The following CNOT11 variants were observed in gnomAD, a reference collection of about 807,000 sequenced individuals.
The protein encoded by CNOT11 is UPF0760 protein C2orf29.
CNOT11 carries 18 observed loss-of-function variants against 44.6 expected under a neutral mutation model. The observed-to-expected ratio is 0.40, with a 90% CI of 0.28 to 0.60. The LOEUF (loss-of-function observed/expected upper bound fraction) is 0.60, where lower values mean the gene tolerates loss of function less well. CNOT11 is among the 20% of genes least tolerant of loss of function. CNOT11 has a pLI of 0.38. For synonymous variants in CNOT11, 291 were observed against 270.9 expected (o/e 1.07, Z -0.73); for missense variants, 513 against 677.0 (o/e 0.76, Z 2.69).
At position 101,253,435 on chromosome 2, in the gene CNOT11, G is replaced by T. The variant is rs1400508897; in HGVS notation, c.471G>T (p.Pro157=). The change falls in exon 1 of 7, where the codon CCG becomes CCT. Residue 157 remains proline (P), a synonymous_variant. Transcript: ENST00000289382. The surrounding 1 kb of genome is among the most constrained non-coding windows in gnomAD (Gnocchi z 4.3). The stretch of plus-strand genomic sequence containing the variant: ...TCGCGCACCTGCTCAACCCCGCGCC[G>T]CCCGCCCGCGGCGGCCAGGAACCCG... The part of the protein sequence containing the change: ...ASFAHLLNPA[P]PARGGQEPDR... The T allele has an allele frequency of 3.9e-6, 6 of 1,530,754 alleles. No individual in the cohort carries two copies. Among genetic ancestry groups the T allele is most frequent in the African/African-American group, 1.4e-5 (1 of 70,912 alleles). The allele number at this position is 1,530,754 out of a possible 1,614,324, so 94.8% of individuals were successfully genotyped here.
At chr2:101,266,227 G>A (rs1237189521) in intron 4 of CNOT11, among the ~76,000 whole-genome samples, 3 of 152,104 alleles carry the variant, frequency 2.0e-5, no homozygotes, top group African/African-American at 4.8e-5. Context: ...TTCCCACTCC[G>A]CCCCCTTCTC....
At position 101,269,647 on chromosome 2, in the gene CNOT11, G is replaced by C. The variant is rs1039612775; in HGVS notation, c.*234G>C. On this transcript the variant is annotated 3_prime_UTR_variant, in exon 7 of 7. Coordinates refer to ENST00000289382, the MANE Select transcript of CNOT11 (RefSeq NM_017546.5). The surrounding 1 kb of genome is among the most constrained non-coding windows in gnomAD (Gnocchi z 4.8). ...GCTGATGACTATCCATAGGAGGAAT[G>C]GCTATCCCAAAAAAAGTTCCGCAAA... 2 of 367,732 alleles carry C rather than the reference G, an allele frequency of 5.4e-6. No individual in the cohort carries two copies. The highest frequency in any genetic ancestry group is 2.1e-5 in the African/African-American group (1 of 47,846). 22.8% of individuals were successfully genotyped at this position (367,732 alleles called of 1,614,324 possible). A position where few individuals can be genotyped will look rare whatever the true frequency, so the allele number is the denominator to read the frequency against.
At chr2:101,255,700 G>A (rs1472630692) in intron 1 of CNOT11, among the ~76,000 whole-genome samples, 1 of 152,160 alleles carries the variant, frequency 6.6e-6, no homozygotes, top group Non-Finnish European at 1.5e-5. Context: ...AGGCAGGGCT[G>A]CGATTGTGTA....
chr2:101,266,620 T>G (rs1484348028), intron 4 of CNOT11, 57 bp from the exon 5 acceptor site: 7 of 1,348,226 alleles, frequency 5.2e-6, no homozygotes, highest in African/African-American at 2.9e-5. Context: ...GAAAAAAAAT[T>G]GACTCAACAC....
rs1485312043 is a variant in CNOT11, at chr2:101,266,683, G to T, written c.1042G>T (p.Gly348Cys). The T allele has an allele frequency of 2.5e-6, 4 of 1,613,078 alleles. No homozygotes were observed. The highest frequency in any genetic ancestry group is 2.5e-6 in the Non-Finnish European group (3 of 1,179,188). ...AAAAATCTGGTGTATTTAGCTACTT[G>T]GTGAGTTGGAAAAAGACCCCAAACT... is the stretch of plus-strand genomic sequence containing the variant. ...LSSPQQTQLL[G>C]ELEKDPKLVY... Residue 348 changes from glycine (G) to cysteine (C), a missense_variant, in exon 5 of 7, where the codon GGT (glycine) becomes TGT (cysteine). This residue lies in a region of CNOT11 where 140 missense variants were observed against 169.8 expected (regional missense o/e 0.82). Transcript: ENST00000289382.
chr2:101,267,591 C>CTTTCT (rs1682017899), intron 5 of CNOT11, among the ~76,000 whole-genome samples: 1 of 152,184 alleles, frequency 6.6e-6, no homozygotes, highest in Admixed American at 6.5e-5. Flanking sequence ...TTCTCCCAGC[C>CTTTCT]TTTCTGACCC....
intron 2 of CNOT11, among the ~76,000 whole-genome samples, chr2:101,259,774 A>C (rs745318509): frequency 6.6e-5 from 10 of 152,224 alleles, no homozygotes; most frequent in Admixed American, 1.3e-4. Context: ...ACAATGGCGC[A>C]TACCTATAAT....
chr2:101,261,910 G>C (rs1573200673), intron 2 of CNOT11, among the ~76,000 whole-genome samples: 1 of 146,326 alleles, frequency 6.8e-6, no homozygotes, highest in African/African-American at 2.5e-5. Flanking sequence ...GCAGTGGCGC[G>C]ATCTTGGCTC....
intron 2 of CNOT11, among the ~76,000 whole-genome samples, chr2:101,260,586 G>A (rs529455339): frequency 1.8e-4 from 27 of 152,224 alleles, no homozygotes; most frequent in African/African-American, 6.5e-4. Flanking sequence ...CTCTCTGGAG[G>A]TCTAAAATTC....
intron 2 of CNOT11, among the ~76,000 whole-genome samples, chr2:101,258,171 A>T (rs1573198119): frequency 6.6e-6 from 1 of 152,108 alleles, no homozygotes; most frequent in South Asian, 2.1e-4. Context: ...AGGTGGGCAG[A>T]TCATTTGAGG....
Position 101,253,360 on chromosome 2 carries a change from G to A in CNOT11, c.396G>A (p.Trp132Ter). ...AQRLTALYLL[W>*]EMYRTEPLAA... ...GCCTCACGGCGCTCTACCTGCTCTG[G>A]GAGATGTACCGCACCGAGCCGCTGG... Residue 132 changes from tryptophan (W) to a stop codon, truncating the protein, a stop_gained, in exon 1 of 7, where the codon TGG becomes TGA. Transcript: ENST00000289382. LOFTEE classifies it high-confidence loss of function. The surrounding 1 kb of genome is among the most constrained non-coding windows in gnomAD (Gnocchi z 4.3). 1 of 1,600,790 alleles carries A rather than the reference G, an allele frequency of 6.2e-7. No homozygotes were observed. The highest frequency in any genetic ancestry group is 8.5e-7 in the Non-Finnish European group (1 of 1,178,914).
At position 101,253,567 on chromosome 2, in the gene CNOT11, A is replaced by G. The variant is rs967922652; in HGVS notation, c.514+89A>G. 9.6e-6 allele frequency: 11 copies of G among 1,145,594 alleles called. No individual in the cohort carries two copies. The African/African-American group carries it at 1.6e-4, about 17-fold the overall frequency. 71.0% of individuals were successfully genotyped at this position (1,145,594 alleles called of 1,614,324 possible). On this transcript the variant is annotated intron_variant, in intron 1 of 6. Transcript: ENST00000289382. This position sits in a 1 kb window ranked among gnomAD's most constrained non-coding sequence, Gnocchi z 4.3. ...TGCTGGGAACTCACCTGAAAGGGAAATTAACTATCCCTGTGAAATGATCAT... is the reference window on the plus strand; with the variant it reads ...TGCTGGGAACTCACCTGAAAGGGAAGTTAACTATCCCTGTGAAATGATCAT...
intron 1 of CNOT11, among the ~76,000 whole-genome samples, chr2:101,254,516 A>G (rs747033548): frequency 6.6e-6 from 1 of 152,158 alleles, no homozygotes; most frequent in Non-Finnish European, 1.5e-5. Flanking sequence ...TTTAGGGTAC[A>G]GGTACTTAAC....
intron 4 of CNOT11, 33 bp from the exon 5 acceptor site, chr2:101,266,634 TTCTCTCTCCC>T (rs1681991349): frequency 6.7e-7 from 1 of 1,493,584 alleles, no homozygotes; most frequent in African/African-American, 1.4e-5. Flanking sequence ...TCAACACCCT[TTCTCTCTCCC>T]TCTCTCTCTC....
At position 101,253,752 on chromosome 2, in the gene CNOT11, T is replaced by A. The variant is rs1454313387; in HGVS notation, c.514+274T>A. ...ATACAGCTCAGTGTAGGTCTTGACA[T>A]GTTTAGTGTCTCAAATACGGTTCGT... On this transcript the variant is annotated intron_variant, in intron 1 of 6. Transcript: ENST00000289382. This position sits in a 1 kb window ranked among gnomAD's most constrained non-coding sequence, Gnocchi z 4.3. 1.3e-5 allele frequency among the ~76,000 whole-genome samples: 2 copies of A among 151,858 alleles called. No homozygotes were observed. Among genetic ancestry groups the A allele is most frequent in the East Asian group, 3.9e-4 (2 of 5,142 alleles).
At position 101,253,077 on chromosome 2, in the gene CNOT11, G is replaced by T; in HGVS notation, c.113G>T (p.Gly38Val). The stretch of plus-strand genomic sequence containing the variant: ...TCCAGGAGCGGCTTCGGGGGCTCCG[G>T]CGGCGGCAGAGGCGGAGCAAGCGGC... ...SASRSGFGGS[G>V]GGRGGASGPG... Residue 38 changes from glycine (G) to valine (V), a missense_variant, in exon 1 of 7, where the codon GGC becomes GTC. Transcript: ENST00000289382. This position sits in a 1 kb window ranked among gnomAD's most constrained non-coding sequence, Gnocchi z 4.3. 6.6e-7 allele frequency: 1 copy of T among 1,517,328 alleles called. No homozygotes were observed. The highest frequency in any genetic ancestry group is 8.8e-7 in the Non-Finnish European group (1 of 1,138,310). The allele number at this position is 1,517,328 out of a possible 1,614,324, so 94.0% of individuals were successfully genotyped here. A position where few individuals can be genotyped will look rare whatever the true frequency, so the allele number is the denominator to read the frequency against.
At chr2:101,262,924 C>A (rs1681901047) in intron 3 of CNOT11, among the ~76,000 whole-genome samples, 1 of 152,094 alleles carries the variant, frequency 6.6e-6, no homozygotes, top group Non-Finnish European at 1.5e-5. Context: ...CTATCCTATG[C>A]ATACCTAAAG....
intron 2 of CNOT11, among the ~76,000 whole-genome samples, chr2:101,261,746 A>G (rs1681867134): frequency 6.6e-6 from 1 of 151,502 alleles, no homozygotes; most frequent in African/African-American, 2.4e-5. Context: ...TCCTAATGGG[A>G]TTAAATATCT....
rs2104358616 is a variant in CNOT11 at position 101,252,960 on chromosome 2, G to A, written c.-5G>A. On this transcript the variant is annotated 5_prime_UTR_variant, in exon 1 of 7. Transcript: ENST00000289382. ...GCCGGGAAGAGGGGAAGGGGAGCGA[G>A]GTTGATGCCCGGCGGAGGGGCGAGC... The A allele has an allele frequency of 1.4e-6, 2 of 1,469,150 alleles. No homozygotes were observed. The highest frequency in any genetic ancestry group is 2.5e-5 in the Admixed American group (1 of 40,652). 91.0% of individuals were successfully genotyped at this position (1,469,150 alleles called of 1,614,324 possible).
Sources: gnomAD v4.1 joint callset for allele counts (sites outside exome capture counted in the v4.1 genomes callset) on GRCh38, gnomAD v4.1.1 for gene constraint, gnomAD v4.1.1 regional missense constraint, Gnocchi (gnomAD v3.1) non-coding constraint, MANE v1.5 for transcripts, NCBI Gene and HGNC (gene_info 2026-07-23, HGNC 2026-07-21) for gene names.